The following SORCS1 variants were observed in gnomAD, a reference collection of about 807,000 sequenced individuals.
SORCS1 encodes VPS10 domain-containing receptor SorCS1.
In SORCS1, 60 loss-of-function variants were observed where a neutral mutation model predicts 146.1. The ratio of observed to expected loss-of-function variants is 0.41; its 90% CI spans 0.33 to 0.51. SORCS1 has a LOEUF of 0.51. SORCS1 is among the 20% of genes least tolerant of loss of function. The pLI is 0.21. For synonymous variants in SORCS1, 637 were observed against 584.0 expected (o/e 1.09, Z -1.31); for missense variants, 1,352 against 1,487.6 (o/e 0.91, Z 1.50).
chr10:106,843,809 A>G (rs1949177246), intron 2 of SORCS1, among the ~76,000 whole-genome samples: 2 of 152,298 alleles, frequency 1.3e-5, no homozygotes, highest in South Asian at 4.1e-4. Context: ...TTGATTTCTC[A>G]GACACTTAGG....
intron 3 of SORCS1, among the ~76,000 whole-genome samples, chr10:106,808,542 G>A (rs530035709): frequency 3.9e-5 from 6 of 152,072 alleles, no homozygotes; most frequent in Admixed American, 1.3e-4. Flanking sequence ...TCGCTCTGTC[G>A]CCCAGTCTGG....
chr10:107,145,966 A>G (rs193297020), intron 1 of SORCS1, among the ~76,000 whole-genome samples: 153 of 152,272 alleles, frequency 1.0e-3, no homozygotes, highest in African/African-American at 3.6e-3. Flanking sequence ...TCATTTTGTC[A>G]TGTACACATA....
intron 3 of SORCS1, among the ~76,000 whole-genome samples, chr10:106,816,779 A>T (rs757176807): frequency 6.6e-5 from 10 of 152,324 alleles, no homozygotes; most frequent in Admixed American, 2.6e-4. Context: ...AACGAAGACT[A>T]AAATGAATGC....
chr10:106,620,293 C>A, intron 20 of SORCS1, 135 bp downstream of exon 20: 2 of 1,122,582 alleles, frequency 1.8e-6, no homozygotes, highest in Non-Finnish European at 1.2e-6. Context: ...ACTTGAGCAC[C>A]AAGGGAGCTT....
At chr10:106,929,723 TAACA>T (rs1953289467) in intron 2 of SORCS1, among the ~76,000 whole-genome samples, 1 of 152,010 alleles carries the variant, frequency 6.6e-6, no homozygotes. Flanking sequence ...AAGGTTCCTA[TAACA>T]AACAAATGAC....
chr10:106,975,545 C>A (rs1955956573), intron 1 of SORCS1, among the ~76,000 whole-genome samples: 1 of 152,184 alleles, frequency 6.6e-6, no homozygotes, highest in Non-Finnish European at 1.5e-5. Context: ...AGCTGGTAGA[C>A]CCTGAGGGAG....
In SORCS1 at chr10:106,706,210, A is replaced by AAAGAAAG. The variant is rs1554904288; in HGVS notation, c.1233+328_1233+334dup. Among the ~76,000 whole-genome samples, 245 of 145,906 alleles carry AAAGAAAG rather than the reference A, an allele frequency of 1.7e-3. 1 individual carries two copies. The highest frequency in any genetic ancestry group is 5.4e-3 in the South Asian group (25 of 4,654). ...GACAGAGAAGAAAGAAAGAAAGAAAAAAGAAAGAAAGAGAAAAAGAGAAAG... is the reference window on the plus strand; with the variant it reads ...GACAGAGAAGAAAGAAAGAAAGAAAAAAGAAAGAAGAAAGAAAGAGAAAAAGAGAAAG... On this transcript the variant is annotated intron_variant, in intron 8 of 25. Coordinates refer to ENST00000263054, the MANE Select transcript of SORCS1 (RefSeq NM_052918.5).
intron 5 of SORCS1, among the ~76,000 whole-genome samples, chr10:106,751,275 G>A (rs892211624): frequency 2.6e-5 from 4 of 151,980 alleles, no homozygotes; most frequent in African/African-American, 9.7e-5. Flanking sequence ...AAGATTCTCT[G>A]CCACTTCTCC....
chr10:106,683,275 T>C (rs1184241514), intron 10 of SORCS1, among the ~76,000 whole-genome samples: 2 of 152,256 alleles, frequency 1.3e-5, no homozygotes, highest in African/African-American at 4.8e-5. Context: ...TTACTTCAAA[T>C]ATTTATCATT....
intron 1 of SORCS1, among the ~76,000 whole-genome samples, chr10:107,116,821 T>A (rs1376826184): frequency 1.3e-5 from 2 of 152,202 alleles, no homozygotes; most frequent in African/African-American, 2.4e-5. Flanking sequence ...ACATTGAGTA[T>A]ATATGATTTT....
chr10:106,854,246 T>A (rs1949698262), intron 2 of SORCS1, among the ~76,000 whole-genome samples: 1 of 152,082 alleles, frequency 6.6e-6, no homozygotes, highest in South Asian at 2.1e-4. Context: ...AAATCTGCCC[T>A]GTGTAAAATT....
intron 2 of SORCS1, among the ~76,000 whole-genome samples, chr10:106,880,187 T>C (rs981961250): frequency 9.9e-5 from 15 of 152,158 alleles, no homozygotes; most frequent in Non-Finnish European, 1.9e-4. Flanking sequence ...AATGAAGTCT[T>C]TAGGTATGAG....
intron 10 of SORCS1, among the ~76,000 whole-genome samples, chr10:106,681,162 A>G (rs1223235034): frequency 2.0e-5 from 3 of 152,220 alleles, no homozygotes; most frequent in Non-Finnish European, 4.4e-5. Context: ...TCCAAGAGGA[A>G]GACTAGAACA....
intron 1 of SORCS1, among the ~76,000 whole-genome samples, chr10:107,019,029 T>A (rs1003776919): frequency 6.6e-6 from 1 of 152,138 alleles, no homozygotes; most frequent in African/African-American, 2.4e-5. Context: ...CTGAGCCTTG[T>A]TTTTTTGCAT....
intron 2 of SORCS1, among the ~76,000 whole-genome samples, chr10:106,839,663 C>T (rs1057053147): frequency 2.0e-5 from 3 of 152,296 alleles, no homozygotes; most frequent in South Asian, 2.1e-4. Context: ...AATCAAAAGA[C>T]GATTCCATTA....
At chr10:107,146,592 T>A (rs1968346005) in intron 1 of SORCS1, among the ~76,000 whole-genome samples, 1 of 152,114 alleles carries the variant, frequency 6.6e-6, no homozygotes, top group Non-Finnish European at 1.5e-5. Flanking sequence ...AGGTATCCAA[T>A]TAACAATCAC....
At chr10:107,048,125 G>A (rs1217920105) in intron 1 of SORCS1, among the ~76,000 whole-genome samples, 1 of 151,850 alleles carries the variant, frequency 6.6e-6, no homozygotes, top group Non-Finnish European at 1.5e-5. Context: ...TACCTGGATG[G>A]GGCCTTTCCT....
At chr10:106,902,417 A>G (rs896336076) in intron 2 of SORCS1, among the ~76,000 whole-genome samples, 4 of 152,194 alleles carry the variant, frequency 2.6e-5, no homozygotes, top group Non-Finnish European at 5.9e-5. Context: ...GCCCATTAAG[A>G]CAAGAAAAAG....
chr10:107,115,093 A>G (rs926609741), intron 1 of SORCS1, among the ~76,000 whole-genome samples: 2 of 152,104 alleles, frequency 1.3e-5, no homozygotes, highest in Non-Finnish European at 2.9e-5. Flanking sequence ...CTGATGAAGG[A>G]TATCAAAGAA....
Sources: allele counts gnomAD v4.1 joint callset (sites outside exome capture counted in the v4.1 genomes callset), GRCh38; gene constraint gnomAD v4.1.1; transcripts MANE v1.5; gene names NCBI Gene and HGNC (gene_info 2026-07-23, HGNC 2026-07-21).